APOC3: variants seen among roughly 807,000 people sequenced by gnomAD.
APOC3 encodes the protein apolipoprotein C-III.
APOC3 carries 6 observed loss-of-function variants against 7.3 expected under a neutral mutation model. That is an observed-to-expected ratio of 0.82 (90% CI 0.45 to 1.61). APOC3 has a LOEUF of 1.61. APOC3 is among the 40% of genes most tolerant of loss of function. APOC3 has a pLI of 0.01. For synonymous variants in APOC3, 45 were observed against 51.2 expected (o/e 0.88, Z 0.52); for missense variants, 123 against 124.9 (o/e 0.98, Z 0.07).
intron 3 of APOC3, among the ~76,000 whole-genome samples, chr11:116,831,280 TTTC>T (rs1565336571): frequency 4.4e-4 from 11 of 25,250 alleles, no homozygotes; most frequent in African/African-American, 1.6e-3. Flanking sequence ...CCTTTCTTTC[TTTC>T]CTTTCTTTCT....
At chr11:116,830,144 C>T (rs734104) in intron 1 of APOC3, among the ~76,000 whole-genome samples, 124,568 of 151,980 alleles carry the variant, frequency 0.82, 51,329 homozygotes, top group Non-Finnish European at 0.87. Flanking sequence ...CAAAGCTACA[C>T]AGGGGGTGGG....
rs1231281528 is a variant in APOC3, at chr11:116,830,823, A to G, written c.106A>G (p.Met36Val). 9 of 1,612,978 alleles carry G rather than the reference A, an allele frequency of 5.6e-6. No homozygotes were observed. Among genetic ancestry groups the G allele is most frequent in the South Asian group, 1.1e-5 (1 of 91,050 alleles). The stretch of plus-strand genomic sequence containing the variant: ...CCTTCTCAGCTTCATGCAGGGTTAC[A>G]TGAAGCACGCCACCAAGACCGCCAA... ...ASLLSFMQGY[M>V]KHATKTAKDA... The change falls in exon 3 of 4, where the codon ATG becomes GTG. Residue 36 changes from methionine (M) to valine (V), a missense_variant. By Grantham distance (21) the Met-to-Val change is conservative. Transcript: ENST00000227667.
At position 116,832,805 on chromosome 11, in the gene APOC3, G is replaced by A. The variant is rs1941476846; in HGVS notation, c.221G>A (p.Trp74Ter). 2.5e-6 allele frequency: 4 copies of A among 1,614,010 alleles called. No homozygotes were observed. The highest frequency in any genetic ancestry group is 1.3e-5 in the African/African-American group (1 of 74,906). The change falls in exon 4 of 4, where the codon TGG (tryptophan) becomes TAG (stop). Residue 74 changes from tryptophan to a stop codon, truncating the protein, a stop_gained. Coordinates refer to ENST00000227667, the MANE Select transcript of APOC3 (RefSeq NM_000040.3). LOFTEE classifies it low-confidence loss of function (END_TRUNC). ...GGCTTCAGTTCCCTGAAAGACTACTGGAGCACCGTTAAGGACAAGTTCTCT... is the reference window on the plus strand; with the variant it reads ...GGCTTCAGTTCCCTGAAAGACTACTAGAGCACCGTTAAGGACAAGTTCTCT... ...TDGFSSLKDY[W>*]STVKDKFSEF... is the part of the protein sequence containing the mutation.
At chr11:116,831,889 A>G (rs1941466712) in intron 3 of APOC3, among the ~76,000 whole-genome samples, 1 of 152,214 alleles carries the variant, frequency 6.6e-6, no homozygotes, top group Non-Finnish European at 1.5e-5. Flanking sequence ...ATGAGAATGT[A>G]AGGCCACTTG....
intron 1 of APOC3, 151 bp from the exon 2 acceptor site, chr11:116,830,419 C>A: frequency 1.3e-6 from 1 of 785,548 alleles, no homozygotes. Flanking sequence ...CACCAGTCCC[C>A]CTTCTGAGAG....
In APOC3 at chr11:116,832,790, C is replaced by G; in HGVS notation, c.206C>G (p.Ser69Cys). Reference protein sequence around the residue: ...ARGWVTDGFSSLKDYWSTVKD... With the variant: ...ARGWVTDGFSCLKDYWSTVKD... ...GGCTGGGTGACCGATGGCTTCAGTTCCCTGAAAGACTACTGGAGCACCGTT... is the reference window on the plus strand; with the variant it reads ...GGCTGGGTGACCGATGGCTTCAGTTGCCTGAAAGACTACTGGAGCACCGTT... The change falls in exon 4 of 4, where the codon TCC (serine) becomes TGC (cysteine). Residue 69 changes from serine (S) to cysteine (C), a missense_variant. Ser to Cys is a moderately radical substitution (Grantham distance 112, BLOSUM62 -1). Coordinates refer to ENST00000227667, the MANE Select transcript of APOC3 (RefSeq NM_000040.3). 6.2e-7 allele frequency: 1 copy of G among 1,614,100 alleles called. No homozygotes were observed. Among genetic ancestry groups the G allele is most frequent in the South Asian group, 1.1e-5 (1 of 91,074 alleles).
intron 3 of APOC3, chr11:116,831,214 TTTCTTTCTTTC>T (rs1941448321): frequency 6.4e-6 from 1 of 155,818 alleles, no homozygotes; most frequent in Non-Finnish European, 1.2e-5. Context: ...TCTTTCTTTC[TTTCTTTCTTTC>T]TTTCTTTCTT....
rs1294710674 is a variant in APOC3, at chr11:116,830,827, A to G, written c.110A>G (p.Lys37Arg). ...CTCAGCTTCATGCAGGGTTACATGA[A>G]GCACGCCACCAAGACCGCCAAGGAT... ...SLLSFMQGYM[K>R]HATKTAKDAL... is the part of the protein sequence containing the mutation. Residue 37 changes from lysine to arginine, a missense_variant, in exon 3 of 4, where the codon AAG (lysine) becomes AGG (arginine). Lys to Arg is a conservative substitution (Grantham distance 26). Coordinates refer to ENST00000227667, the MANE Select transcript of APOC3 (RefSeq NM_000040.3). 1.2e-6 allele frequency: 2 copies of G among 1,612,970 alleles called. No homozygotes were observed. The highest frequency in any genetic ancestry group is 1.3e-5 in the African/African-American group (1 of 74,876).
At position 116,831,223 on chromosome 11, in the gene APOC3, TTCTTTCTTTC is replaced by T. The variant is rs1258998923; in HGVS notation, c.179+329_179+338del. ...TTTCTTTCTTTCTTTCTTTCTTTCT[TTCTTTCTTTC>T]TTTCTTTCTTTCTTTCTTTCTTTCC... On this transcript the variant is annotated intron_variant, in intron 3 of 3. Coordinates refer to ENST00000227667, the MANE Select transcript of APOC3 (RefSeq NM_000040.3). 5 of 192,940 alleles carry T rather than the reference TTCTTTCTTTC, an allele frequency of 2.6e-5. No individual in the cohort carries two copies. In the East Asian group the frequency reaches 5.3e-4, roughly 21 times the overall value. 12.0% of individuals were successfully genotyped at this position (192,940 alleles called of 1,614,324 possible). A position where few individuals can be genotyped will look rare whatever the true frequency, so the allele number is the denominator to read the frequency against.
chr11:116,833,069 A>G lies in APOC3; in HGVS notation c.*185A>G. On this transcript the variant is annotated 3_prime_UTR_variant, in exon 4 of 4. Coordinates refer to ENST00000227667, the MANE Select transcript of APOC3 (RefSeq NM_000040.3). The stretch of plus-strand genomic sequence containing the variant: ...CAATAAAGCTGGACAAGAAGCTGCT[A>G]TGAGTGGGCCGTCGCAAGTGTGCCA... 3 of 841,368 alleles carry G rather than the reference A, an allele frequency of 3.6e-6. No homozygotes were observed. The highest frequency in any genetic ancestry group is 2.1e-5 in the Admixed American group (1 of 48,114). The allele number at this position is 841,368 out of a possible 1,614,324, so 52.1% of individuals were successfully genotyped here. A position where few individuals can be genotyped will look rare whatever the true frequency, so the allele number is the denominator to read the frequency against.
At chr11:116,830,243 C>G (rs1285436535) in intron 1 of APOC3, among the ~76,000 whole-genome samples, 1 of 152,168 alleles carries the variant, frequency 6.6e-6, no homozygotes, top group Non-Finnish European at 1.5e-5. Context: ...CTACCCCAGA[C>G]AGGGAAACTG....
In APOC3 at chr11:116,831,368, C is replaced by T. The variant is rs12802579; in HGVS notation, c.179+472C>T. On this transcript the variant is annotated intron_variant, in intron 3 of 3. Coordinates refer to ENST00000227667, the MANE Select transcript of APOC3 (RefSeq NM_000040.3). ...CCTCTCTTCCTTTCTCTCTTTCTTTCTTCTTCTTTTTTTTTTAATGGAGTC... is the reference window on the plus strand; with the variant it reads ...CCTCTCTTCCTTTCTCTCTTTCTTTTTTCTTCTTTTTTTTTTAATGGAGTC... Among the ~76,000 whole-genome samples the T allele has an allele frequency of 8.3e-5, 11 of 132,206 alleles. 1 individual carries two copies. Among genetic ancestry groups the T allele is most frequent in the African/African-American group, 2.5e-4 (9 of 35,440 alleles). 86.7% of individuals were successfully genotyped at this position (132,206 alleles called of 152,430 possible). A position where few individuals can be genotyped will look rare whatever the true frequency, so the allele number is the denominator to read the frequency against.
chr11:116,831,762 C>A (rs554870449), intron 3 of APOC3, among the ~76,000 whole-genome samples: 1 of 152,148 alleles, frequency 6.6e-6, no homozygotes, highest in Non-Finnish European at 1.5e-5. Context: ...CATGGGCCAG[C>A]GGGGATGGTT....
At chr11:116,831,324 T>C (rs919808256) in intron 3 of APOC3, among the ~76,000 whole-genome samples, 2 of 149,206 alleles carry the variant, frequency 1.3e-5, no homozygotes, top group African/African-American at 5.0e-5. Context: ...TCTTTCTTTC[T>C]TTCCTTTTTC....
At chr11:116,831,629 T>C (rs553080) in intron 3 of APOC3, among the ~76,000 whole-genome samples, 30,084 of 152,118 alleles carry the variant, frequency 0.2, 6,867 homozygotes, top group African/African-American at 0.56. Context: ...CCTCCCAAAG[T>C]GCTGGGATTA....
intron 3 of APOC3, chr11:116,831,189 A>ATCTTTC (rs1555055843): frequency 2.0e-5 from 3 of 148,404 alleles, no homozygotes; most frequent in East Asian, 9.3e-5. Flanking sequence ...TTCTCTTTCT[A>ATCTTTC]TTTCTTTCTT....
In APOC3 at chr11:116,832,977, G is replaced by T; in HGVS notation, c.*93G>T. ...GCTGCCCCTGTAGGTTGCTTAAAAG[G>T]GACAGTATTCTCAGTGCTCTCCTAC... is the stretch of plus-strand genomic sequence containing the variant. On this transcript the variant is annotated 3_prime_UTR_variant, in exon 4 of 4. Coordinates refer to ENST00000227667, the MANE Select transcript of APOC3 (RefSeq NM_000040.3). The T allele has an allele frequency of 1.9e-6, 3 of 1,575,606 alleles. No homozygotes were observed. Among genetic ancestry groups the T allele is most frequent in the Non-Finnish European group, 2.6e-6 (3 of 1,149,608 alleles).
chr11:116,831,197 C>CTG (rs1204306235), intron 3 of APOC3: 86 of 42,016 alleles, frequency 2.0e-3, no homozygotes, highest in Non-Finnish European at 4.3e-3. Context: ...CTATTTCTTT[C>CTG]TTTCTTTCTT....
intron 3 of APOC3, among the ~76,000 whole-genome samples, chr11:116,831,752 C>T (rs1941464813): frequency 6.6e-6 from 1 of 152,204 alleles, no homozygotes; most frequent in Non-Finnish European, 1.5e-5. Context: ...ACAATTTTTC[C>T]ATGGGCCAGC....
Sources: gnomAD v4.1 joint callset for allele counts (sites outside exome capture counted in the v4.1 genomes callset) on GRCh38, gnomAD v4.1.1 for gene constraint, MANE v1.5 for transcripts, NCBI Gene and HGNC (gene_info 2026-07-23, HGNC 2026-07-21) for gene names.